Variants in SYT2 observed in about 807,000 individuals in gnomAD.
SYT2 encodes the protein synaptotagmin 2, also known as synaptotagmin-2.
In SYT2, 15 loss-of-function variants were observed where a neutral mutation model predicts 39.9. The ratio of observed to expected loss-of-function variants is 0.38; its 90% CI spans 0.25 to 0.58. The LOEUF is 0.58. Among genes scored for constraint, SYT2 ranks in the 20% least tolerant of loss-of-function variants. The pLI, the probability that SYT2 is intolerant of heterozygous loss-of-function variation, is 0.70. For missense variants in SYT2, 389 were observed against 530.3 expected, an observed-to-expected ratio of 0.73 and a Z score of 2.62; for synonymous variants, 181 against 204.5, an observed-to-expected ratio of 0.89 and a Z score of 0.98.
At position 202,629,253 on chromosome 1, in the gene SYT2, C is replaced by T. The variant is rs1288903118; in HGVS notation, c.-17-23464G>A. On this transcript the variant is annotated intron_variant, in intron 1 of 8. Transcript: ENST00000367268. The stretch of plus-strand genomic sequence containing the variant: ...GCCCAGATGGCCTTCTTGATGCCCA[C>T]CTCTGGGCCAAGGCCTCTCTTGAGC... 7.9e-5 allele frequency among the ~76,000 whole-genome samples: 12 copies of T among 152,342 alleles called. No individual in the cohort carries two copies. The South Asian group carries it at 1.9e-3, about 24-fold the overall frequency.
At chr1:202,709,096 G>A (rs982111475) in intron 1 of SYT2, among the ~76,000 whole-genome samples, 2 of 151,952 alleles carry the variant, frequency 1.3e-5, no homozygotes, top group African/African-American at 4.8e-5. Context: ...CTTCCTGGGC[G>A]CCCCCAGATC....
chr1:202,667,310 AAG>A (rs1447725791), intron 1 of SYT2, among the ~76,000 whole-genome samples: 2 of 152,190 alleles, frequency 1.3e-5, no homozygotes, highest in Non-Finnish European at 2.9e-5. Flanking sequence ...ACTTGAGGCA[AAG>A]AGAGAAAGGG....
rs572612528 is a variant in SYT2, at chr1:202,623,443, G to T, written c.-17-17654C>A. On this transcript the variant is annotated intron_variant, in intron 1 of 8. Coordinates refer to ENST00000367268, the MANE Select transcript of SYT2 (RefSeq NM_177402.5). This position sits in a 1 kb window ranked among gnomAD's most constrained non-coding sequence, Gnocchi z 4.2. The stretch of plus-strand genomic sequence containing the variant: ...GAGACTCAGAATCTTGGGCCTCCAG[G>T]GTTCCCCACTCCCCAGCACCCCACA... Among the ~76,000 whole-genome samples the T allele has an allele frequency of 1.1e-3, 168 of 152,308 alleles. 1 individual carries two copies. Among genetic ancestry groups the T allele is most frequent in the Non-Finnish European group, 1.9e-3 (130 of 68,030 alleles).
chr1:202,607,104 T>C (rs1165317899), intron 1 of SYT2, among the ~76,000 whole-genome samples: 1 of 152,126 alleles, frequency 6.6e-6, no homozygotes, highest in Non-Finnish European at 1.5e-5. Context: ...TCTTACGAGC[T>C]TCCAAACTCT....
intron 1 of SYT2, among the ~76,000 whole-genome samples, chr1:202,683,227 T>A (rs1486077847): frequency 6.6e-6 from 1 of 152,160 alleles, no homozygotes; most frequent in Non-Finnish European, 1.5e-5. Flanking sequence ...TAGAGAAATG[T>A]GCTTCCCAAA....
rs1558463324 is a variant in SYT2 at position 202,691,719 on chromosome 1, GAGGGAGAGGGGGGGAGAGA to G, written c.-18+18520_-18+18538del. Among the ~76,000 whole-genome samples, 116 of 43,264 alleles carry G rather than the reference GAGGGAGAGGGGGGGAGAGA, an allele frequency of 2.7e-3. 8 individuals are homozygous for G. Among genetic ancestry groups the G allele is most frequent in the East Asian group, 0.015 (13 of 886 alleles). The allele number at this position is 43,264 out of a possible 152,430, so 28.4% of individuals were successfully genotyped here. ...AGAGGGAGAGGGAGAGGGAGAGGGA[GAGGGAGAGGGGGGGAGAGA>G]GAGAGAGAGAGAGAGAGAGAGAGAG... On this transcript the variant is annotated intron_variant, in intron 1 of 8. Coordinates refer to ENST00000367268, the MANE Select transcript of SYT2 (RefSeq NM_177402.5).
chr1:202,708,744 G>A lies in SYT2; in HGVS notation c.-18+1514C>T, dbSNP rs181056561. ...TCCACAGGACCAGGATGCCAGGCAC[G>A]TCCCACTGCATCAGAGCCACCCTGC... On this transcript the variant is annotated intron_variant, in intron 1 of 8. Coordinates refer to ENST00000367268, the MANE Select transcript of SYT2 (RefSeq NM_177402.5). Among the ~76,000 whole-genome samples, 138 of 152,264 alleles carry A rather than the reference G, an allele frequency of 9.1e-4. 1 individual carries two copies. The East Asian group carries it at 0.016, about 18-fold the overall frequency.
chr1:202,594,182 A>G lies in SYT2; in HGVS notation c.*2575T>C, dbSNP rs1362553629. ...CTGGTGTCAACGTTCAAAATCACTC[A>G]GCAACCTGTCCCCACCCCTCAAGGC... is the stretch of plus-strand genomic sequence containing the variant. On this transcript the variant is annotated 3_prime_UTR_variant, in exon 9 of 9. Coordinates refer to ENST00000367268, the MANE Select transcript of SYT2 (RefSeq NM_177402.5). 1 of 152,388 alleles carries G rather than the reference A, an allele frequency of 6.6e-6. No homozygotes were observed. The highest frequency in any genetic ancestry group is 1.5e-5 in the Non-Finnish European group (1 of 68,124). 9.4% of individuals were successfully genotyped at this position (152,388 alleles called of 1,614,324 possible).
At chr1:202,645,854 T>C (rs1481231010) in intron 1 of SYT2, among the ~76,000 whole-genome samples, 1 of 152,172 alleles carries the variant, frequency 6.6e-6, no homozygotes, top group Non-Finnish European at 1.5e-5. Context: ...AAAACACAGC[T>C]GTGCTTCACT....
At chr1:202,602,968 C>T (rs1368947145) in intron 4 of SYT2, 31 bp downstream of exon 4, 4 of 1,490,890 alleles carry the variant, frequency 2.7e-6, no homozygotes, top group African/African-American at 3.4e-5. Context: ...CTCCCCATTC[C>T]CCCACTCTGC....
intron 1 of SYT2, among the ~76,000 whole-genome samples, chr1:202,690,134 G>A (rs572911439): frequency 1.3e-5 from 2 of 152,126 alleles, no homozygotes; most frequent in South Asian, 2.1e-4. Context: ...CCCCCTGAAG[G>A]CAACCAACAA....
chr1:202,694,502 C>A (rs1282962928), intron 1 of SYT2, among the ~76,000 whole-genome samples: 2 of 152,166 alleles, frequency 1.3e-5, no homozygotes. Flanking sequence ...GTGAGGGACA[C>A]CTGCCTGCCC....
chr1:202,640,960 G>GTAT (rs890225295), intron 1 of SYT2, among the ~76,000 whole-genome samples: 1 of 152,090 alleles, frequency 6.6e-6, no homozygotes, highest in Non-Finnish European at 1.5e-5. Flanking sequence ...TACGCAGCTT[G>GTAT]TATTATTATT....
intron 1 of SYT2, among the ~76,000 whole-genome samples, chr1:202,625,097 TA>T (rs1691344385): frequency 8.4e-6 from 1 of 118,804 alleles, no homozygotes; most frequent in African/African-American, 3.3e-5. Context: ...TTGTGTGTGG[TA>T]TGTGTGTGGT....
chr1:202,630,291 A>T, intron 1 of SYT2: 1 of 816,886 alleles, frequency 1.2e-6, no homozygotes, highest in Non-Finnish European at 1.5e-6. Flanking sequence ...CCTGGCTCCC[A>T]CACACTCTGG....
intron 1 of SYT2, among the ~76,000 whole-genome samples, chr1:202,641,186 C>T (rs1180413166): frequency 6.6e-6 from 1 of 152,238 alleles, no homozygotes; most frequent in East Asian, 1.9e-4. Context: ...CCTGGGGACT[C>T]CCCCTCCAGG....
In SYT2 at chr1:202,623,387, C is replaced by T. The variant is rs1288487570; in HGVS notation, c.-17-17598G>A. On this transcript the variant is annotated intron_variant, in intron 1 of 8. Transcript: ENST00000367268. The surrounding 1 kb of genome is among the most constrained non-coding windows in gnomAD (Gnocchi z 4.2). ...AGCCCAGGGGGCTGCCTCTGGCCCCCAGACAGGCTGCCTTCCCACCTCCTT... is the reference window on the plus strand; with the variant it reads ...AGCCCAGGGGGCTGCCTCTGGCCCCTAGACAGGCTGCCTTCCCACCTCCTT... 6.6e-6 allele frequency among the ~76,000 whole-genome samples: 1 copy of T among 152,226 alleles called. No homozygotes were observed. Among genetic ancestry groups the T allele is most frequent in the African/African-American group, 2.4e-5 (1 of 41,454 alleles).
intron 1 of SYT2, among the ~76,000 whole-genome samples, chr1:202,669,374 G>A (rs570609714): frequency 5.6e-4 from 85 of 151,092 alleles, no homozygotes; most frequent in African/African-American, 1.8e-3. Flanking sequence ...AATTTAGGCT[G>A]GACGCGGTGG....
At chr1:202,615,871 C>T (rs1199296512) in intron 1 of SYT2, among the ~76,000 whole-genome samples, 1 of 152,196 alleles carries the variant, frequency 6.6e-6, no homozygotes, top group East Asian at 1.9e-4. Flanking sequence ...GTCCGTGGTG[C>T]CTACAACTTG....
Sources: gnomAD v4.1 joint callset for allele counts (sites outside exome capture counted in the v4.1 genomes callset) on GRCh38, gnomAD v4.1.1 for gene constraint, Gnocchi (gnomAD v3.1) non-coding constraint, MANE v1.5 for transcripts, NCBI Gene and HGNC (gene_info 2026-07-23, HGNC 2026-07-21) for gene names.